The following TLN2 variants were observed in gnomAD, a reference collection of about 807,000 sequenced individuals.
TLN2 encodes talin-2.
A neutral mutation model predicts 294.7 loss-of-function variants in TLN2; 118 were observed. The ratio of observed to expected loss-of-function variants is 0.40; its 90% CI spans 0.34 to 0.47. The LOEUF (loss-of-function observed/expected upper bound fraction) is 0.47. Among genes scored for constraint, TLN2 ranks in the 20% least tolerant of loss-of-function variants. The pLI, the probability that TLN2 is intolerant of heterozygous loss-of-function variation, is 0.84. For missense variants in TLN2, 3,083 were observed against 3,282.2 expected (o/e 0.94, Z 1.48); for synonymous variants, 1,431 against 1,304.5 (o/e 1.10, Z -2.09).
At chr15:62,407,546 A>AACCACCATC (rs1254050796) in intron 1 of TLN2, among the ~76,000 whole-genome samples, 2 of 152,150 alleles carry the variant, frequency 1.3e-5, no homozygotes, top group Admixed American at 1.3e-4. Flanking sequence ...AGAGGGGAAA[A>AACCACCATC]ACCACCATCA....
At chr15:62,495,072 CT>C (rs1026921598) in intron 1 of TLN2, among the ~76,000 whole-genome samples, 4 of 152,214 alleles carry the variant, frequency 2.6e-5, no homozygotes, top group African/African-American at 9.7e-5. Flanking sequence ...CCCTGGGCCC[CT>C]GAGCCTAGAG....
intron 1 of TLN2, among the ~76,000 whole-genome samples, chr15:62,494,173 A>G (rs2038898563): frequency 6.6e-6 from 1 of 152,068 alleles, no homozygotes; most frequent in Non-Finnish European, 1.5e-5. Context: ...GGTTTGCCTC[A>G]GTTTGGGTGG....
chr15:62,525,770 G>A (rs2040700550), intron 1 of TLN2, among the ~76,000 whole-genome samples: 3 of 152,174 alleles, frequency 2.0e-5, no homozygotes, highest in Admixed American at 6.5e-5. Flanking sequence ...AAGGGCAGCT[G>A]GATGCTGCCC....
chr15:62,751,737 G>A (rs1400992590), intron 34 of TLN2, among the ~76,000 whole-genome samples: 3 of 152,224 alleles, frequency 2.0e-5, no homozygotes, highest in African/African-American at 7.2e-5. Context: ...CAGGATGCAT[G>A]ACCACTCTGG....
At position 62,751,754 on chromosome 15, in the gene TLN2, T is replaced by G. The variant is rs935996996; in HGVS notation, c.4210-551T>G. Among the ~76,000 whole-genome samples the G allele has an allele frequency of 7.9e-5, 12 of 152,234 alleles. No individual in the cohort carries two copies. The East Asian group carries it at 1.7e-3, about 22-fold the overall frequency. ...GGATGCATGACCACTCTGGGTTGGA[T>G]TCTGAACACTAAAATCTCTTTCAGC... On this transcript the variant is annotated intron_variant, in intron 34 of 58. Coordinates refer to ENST00000636159, the MANE Select transcript of TLN2 (RefSeq NM_015059.3).
intron 15 of TLN2, 119 bp downstream of exon 15, chr15:62,697,987 T>C: frequency 2.4e-6 from 3 of 1,269,080 alleles, no homozygotes; most frequent in Non-Finnish European, 3.2e-6. Context: ...GGCTGAACCA[T>C]GCCTCGTTCA....
intron 21 of TLN2, 103 bp downstream of exon 21, chr15:62,708,899 G>T: frequency 7.3e-7 from 1 of 1,371,218 alleles, no homozygotes; most frequent in Non-Finnish European, 9.7e-7. Flanking sequence ...GACTGGCAAG[G>T]GCAAGTTCTC....
intron 20 of TLN2, among the ~76,000 whole-genome samples, chr15:62,708,042 C>G (rs1422147255): frequency 6.6e-6 from 1 of 152,008 alleles, no homozygotes; most frequent in South Asian, 2.1e-4. Flanking sequence ...CTAGAATTTA[C>G]AAGGAACTGA....
At chr15:62,566,929 G>T (rs1321828400) in intron 1 of TLN2, among the ~76,000 whole-genome samples, 1 of 151,680 alleles carries the variant, frequency 6.6e-6, no homozygotes, top group African/African-American at 2.4e-5. Context: ...AATATATACA[G>T]AATTAGAAAG....
intron 11 of TLN2, among the ~76,000 whole-genome samples, chr15:62,677,293 T>G (rs543142300): frequency 1.3e-5 from 2 of 152,344 alleles, no homozygotes; most frequent in Admixed American, 1.3e-4. Context: ...TTCTTGAGTT[T>G]CCCTGTAGTC....
At chr15:62,762,154 C>G (rs557077734) in intron 38 of TLN2, 118 bp from the exon 39 acceptor site, 1 of 1,204,614 alleles carries the variant, frequency 8.3e-7, no homozygotes, top group South Asian at 1.4e-5. Flanking sequence ...TCCCTGCCCT[C>G]TTTGTCTCCT....
At chr15:62,759,132 A>G (rs1239716477) in intron 37 of TLN2, among the ~76,000 whole-genome samples, 4 of 152,178 alleles carry the variant, frequency 2.6e-5, no homozygotes, top group Non-Finnish European at 5.9e-5. Flanking sequence ...GTTCTGTGAC[A>G]TGGAAACTCT....
intron 1 of TLN2, among the ~76,000 whole-genome samples, chr15:62,524,491 G>A (rs1043942173): frequency 1.3e-5 from 2 of 152,162 alleles, no homozygotes; most frequent in African/African-American, 4.8e-5. Flanking sequence ...GCGAGACTGT[G>A]TCCCCTGGAA....
chr15:62,523,735 C>T (rs554510125), intron 1 of TLN2, among the ~76,000 whole-genome samples: 6 of 152,124 alleles, frequency 3.9e-5, no homozygotes, highest in South Asian at 2.1e-4. Context: ...ATTTTTAAAA[C>T]GTGGTACATT....
At chr15:62,420,686 G>C (rs1020463028) in intron 1 of TLN2, among the ~76,000 whole-genome samples, 1 of 152,186 alleles carries the variant, frequency 6.6e-6, no homozygotes, top group African/African-American at 2.4e-5. Flanking sequence ...TGTAACAAAA[G>C]CCCATCAAGA....
chr15:62,822,228 T>C (rs1385401139), intron 54 of TLN2, among the ~76,000 whole-genome samples: 1 of 152,232 alleles, frequency 6.6e-6, no homozygotes, highest in Non-Finnish European at 1.5e-5. Flanking sequence ...CATAGGATTA[T>C]TGTTATAATA....
chr15:62,442,861 A>G lies in TLN2; in HGVS notation c.-238+52176A>G, dbSNP rs970720545. ...GGGCTGTGATTTTCCTGGCGGCTCTAGGAGAGAATCCATTTCTTTGCTTTT... is the reference window on the plus strand; with the variant it reads ...GGGCTGTGATTTTCCTGGCGGCTCTGGGAGAGAATCCATTTCTTTGCTTTT... On this transcript the variant is annotated intron_variant, in intron 1 of 58. Transcript: ENST00000636159. Among the ~76,000 whole-genome samples the G allele has an allele frequency of 2.8e-4, 42 of 152,168 alleles. 1 individual carries two copies. The highest frequency in any genetic ancestry group is 4.1e-4 in the Non-Finnish European group (28 of 68,028).
At chr15:62,644,469 C>T (rs908446045) in intron 3 of TLN2, 40 of 455,438 alleles carry the variant, frequency 8.8e-5, no homozygotes, top group African/African-American at 7.0e-4. Flanking sequence ...TCTTTGCGTT[C>T]AATTCTATAT....
intron 1 of TLN2, among the ~76,000 whole-genome samples, chr15:62,524,463 C>T (rs1043761687): frequency 3.3e-5 from 5 of 152,128 alleles, no homozygotes; most frequent in Non-Finnish European, 5.9e-5. Context: ...AGAGAGAAGA[C>T]GCTGGGCTCA....
Sources: allele counts gnomAD v4.1 joint callset (sites outside exome capture counted in the v4.1 genomes callset), GRCh38; gene constraint gnomAD v4.1.1; transcripts MANE v1.5; gene names NCBI Gene and HGNC (gene_info 2026-07-23, HGNC 2026-07-21).